RBFOX1: variants seen among roughly 807,000 people sequenced by gnomAD.
RBFOX1 encodes the protein RNA binding protein fox-1 homolog 1.
In RBFOX1, 8 loss-of-function variants were observed where a neutral mutation model predicts 57.7. The observed-to-expected ratio is 0.14, with a 90% CI of 0.08 to 0.25. RBFOX1 has a LOEUF of 0.25. Ranked by LOEUF, RBFOX1 falls within the 10% of genes least tolerant of loss-of-function variation. The probability of loss-of-function intolerance (pLI) is 1.00; values close to 1 mark genes in which losing one functional copy is unlikely to be tolerated. For synonymous variants in RBFOX1, 326 were observed against 222.4 expected, an observed-to-expected ratio of 1.47 and a Z score of -4.15; for missense variants, 611 against 548.5, an observed-to-expected ratio of 1.11 and a Z score of -1.14.
At chr16:5,372,186 C>T (rs192999589) in intron 1 of RBFOX1, among the ~76,000 whole-genome samples, 22 of 152,168 alleles carry the variant, frequency 1.4e-4, no homozygotes, top group East Asian at 9.7e-4. Flanking sequence ...ATGGCTTAGG[C>T]GGGAGGCAGC....
At chr16:6,360,929 G>C (rs960062557) in intron 2 of RBFOX1, among the ~76,000 whole-genome samples, 5 of 150,542 alleles carry the variant, frequency 3.3e-5, no homozygotes, top group African/African-American at 7.3e-5. Context: ...TTTACTTCAG[G>C]GGTGGTCCTT....
At chr16:7,058,167 TCA>T (rs1434561278) in intron 4 of RBFOX1, among the ~76,000 whole-genome samples, 2 of 152,130 alleles carry the variant, frequency 1.3e-5, no homozygotes, top group African/African-American at 4.8e-5. Flanking sequence ...CACGTCTTAC[TCA>T]CAGCTTTCAG....
intron 4 of RBFOX1, among the ~76,000 whole-genome samples, chr16:7,414,265 T>C (rs1233893784): frequency 1.3e-5 from 2 of 152,196 alleles, no homozygotes; most frequent in Non-Finnish European, 2.9e-5. Flanking sequence ...GTGGAGATGA[T>C]TGGCAGCCTG....
intron 2 of RBFOX1, among the ~76,000 whole-genome samples, chr16:5,524,882 AG>A (rs1353514279): frequency 6.6e-6 from 1 of 152,042 alleles, no homozygotes. Context: ...CTACTTACTC[AG>A]GGGAGCCTTC....
intron 1 of RBFOX1, among the ~76,000 whole-genome samples, chr16:5,449,288 C>G (rs1021975196): frequency 3.3e-5 from 5 of 152,188 alleles, no homozygotes; most frequent in Admixed American, 6.5e-5. Context: ...CCTAATGACG[C>G]CTACTTATCT....
At chr16:6,683,974 C>G (rs564626083) in intron 3 of RBFOX1, among the ~76,000 whole-genome samples, 1 of 152,172 alleles carries the variant, frequency 6.6e-6, no homozygotes, top group Non-Finnish European at 1.5e-5. Flanking sequence ...CTTCTTTTCT[C>G]CATGTTACCC....
At chr16:5,596,019 C>T (rs2047168808) in intron 2 of RBFOX1, among the ~76,000 whole-genome samples, 1 of 152,132 alleles carries the variant, frequency 6.6e-6, no homozygotes, top group South Asian at 2.1e-4. Flanking sequence ...ATGAAAATGA[C>T]ACGGAAGTGC....
intron 1 of RBFOX1, among the ~76,000 whole-genome samples, chr16:5,456,714 G>C (rs1241236875): frequency 6.6e-6 from 1 of 151,988 alleles, no homozygotes; most frequent in East Asian, 1.9e-4. Flanking sequence ...TTCTTTAATA[G>C]CTGTTAGCTG....
chr16:5,692,335 C>T (rs1384230491), intron 3 of RBFOX1, among the ~76,000 whole-genome samples: 1 of 152,034 alleles, frequency 6.6e-6, no homozygotes, highest in Non-Finnish European at 1.5e-5. Context: ...CAGGCAGCCT[C>T]TAGGAGATGA....
chr16:6,395,612 T>A (rs1327829325), intron 2 of RBFOX1, among the ~76,000 whole-genome samples: 1 of 152,118 alleles, frequency 6.6e-6, no homozygotes, highest in Non-Finnish European at 1.5e-5. Flanking sequence ...TACTACAGAT[T>A]CATAACATTT....
At chr16:7,460,466 A>G (rs1598963207) in intron 4 of RBFOX1, among the ~76,000 whole-genome samples, 1 of 143,850 alleles carries the variant, frequency 7.0e-6, no homozygotes, top group Non-Finnish European at 1.5e-5. Context: ...TACATATCTA[A>G]TATATATCTA....
intron 4 of RBFOX1, among the ~76,000 whole-genome samples, chr16:7,257,598 C>G (rs144494338): frequency 4.5e-4 from 69 of 152,282 alleles, no homozygotes; most frequent in Middle Eastern, 3.4e-3. Context: ...TCCACACCTA[C>G]CAAGAGCCCC....
At chr16:5,729,385 T>G (rs2052274452) in intron 3 of RBFOX1, among the ~76,000 whole-genome samples, 1 of 141,048 alleles carries the variant, frequency 7.1e-6, no homozygotes, top group Non-Finnish European at 1.5e-5. Flanking sequence ...CTAGCTTTTT[T>G]TTTTTCTTTT....
chr16:7,489,971 C>A (rs2066493272), intron 4 of RBFOX1, among the ~76,000 whole-genome samples: 1 of 152,114 alleles, frequency 6.6e-6, no homozygotes, highest in Non-Finnish European at 1.5e-5. Flanking sequence ...AGGGATCTTA[C>A]TTCAGATGTG....
chr16:7,360,226 T>C (rs1240492151), intron 4 of RBFOX1, among the ~76,000 whole-genome samples: 1 of 152,178 alleles, frequency 6.6e-6, no homozygotes, highest in Non-Finnish European at 1.5e-5. Context: ...TAATTACATT[T>C]AATAAACCTA....
intron 3 of RBFOX1, among the ~76,000 whole-genome samples, chr16:5,813,126 G>A (rs149661938): frequency 2.1e-4 from 32 of 151,620 alleles, no homozygotes; most frequent in African/African-American, 7.3e-4. Flanking sequence ...TCCTGCCTCA[G>A]CCTCCCGAGT....
rs1216969057 is a variant in RBFOX1, at chr16:6,654,657, C to T, written c.-16+7C>T. ...GGAAATAGAAGACAGAAAGGTGAGT[C>T]AATATTTTTCATTTTTAGGGTTGCA... is the stretch of plus-strand genomic sequence containing the variant. On this transcript the variant is annotated splice_region_variant and intron_variant, in intron 3 of 15. Coordinates refer to ENST00000550418, the MANE Select transcript of RBFOX1 (RefSeq NM_018723.4). 4.0e-6 allele frequency: 6 copies of T among 1,505,882 alleles called. No homozygotes were observed. The highest frequency in any genetic ancestry group is 3.5e-6 in the Non-Finnish European group (4 of 1,135,766). 93.3% of individuals were successfully genotyped at this position (1,505,882 alleles called of 1,614,324 possible). A position where few individuals can be genotyped will look rare whatever the true frequency, so the allele number is the denominator to read the frequency against.
intron 3 of RBFOX1, among the ~76,000 whole-genome samples, chr16:6,986,637 T>G (rs2090349698): frequency 6.6e-6 from 1 of 152,170 alleles, no homozygotes; most frequent in Admixed American, 6.6e-5. Flanking sequence ...CTGCATTTGC[T>G]CATCCTCTGT....
chr16:7,120,946 G>A (rs1227957363), intron 4 of RBFOX1, among the ~76,000 whole-genome samples: 2 of 151,366 alleles, frequency 1.3e-5, no homozygotes, highest in Non-Finnish European at 2.9e-5. Flanking sequence ...GGAGTCCAAG[G>A]CTGGTTTCAT....
Sources: allele counts gnomAD v4.1 joint callset (sites outside exome capture counted in the v4.1 genomes callset), GRCh38; gene constraint gnomAD v4.1.1; transcripts MANE v1.5; gene names NCBI Gene and HGNC (gene_info 2026-07-23, HGNC 2026-07-21).